The following TBX4 variants were observed in gnomAD, a reference collection of about 807,000 sequenced individuals.
TBX4 encodes T-box transcription factor 4, also known as T-box transcription factor TBX4.
TBX4 carries 13 observed loss-of-function variants against 54.6 expected under a neutral mutation model. That is an observed-to-expected ratio of 0.24 (90% CI 0.15 to 0.38). The LOEUF (loss-of-function observed/expected upper bound fraction) is 0.38, where lower values mean the gene tolerates loss of function less well. Among genes scored for constraint, TBX4 ranks in the 10% least tolerant of loss-of-function variants. The pLI is 1.00. For missense variants in TBX4, 631 were observed against 728.5 expected, an observed-to-expected ratio of 0.87 and a Z score of 1.54; for synonymous variants, 314 against 306.7, an observed-to-expected ratio of 1.02 and a Z score of -0.25.
rs777589144 is a variant in TBX4, at chr17:61,460,908, G to A, written c.281+3277G>A. ...ATTTGCGTTTGAAAAATGAACTACC[G>A]ATGAGAACTCCTGTTGAACCTGTAT... On this transcript the variant is annotated intron_variant, in intron 3 of 8. Transcript: ENST00000644296. This position sits in a 1 kb window ranked among gnomAD's most constrained non-coding sequence, Gnocchi z 4.4. 1.3e-4 allele frequency among the ~76,000 whole-genome samples: 20 copies of A among 152,168 alleles called. No homozygotes were observed. Among genetic ancestry groups the A allele is most frequent in the Non-Finnish European group, 2.5e-4 (17 of 68,030 alleles).
At chr17:61,458,192 G>A (rs2143798225) in intron 3 of TBX4, among the ~76,000 whole-genome samples, 1 of 152,016 alleles carries the variant, frequency 6.6e-6, no homozygotes. Context: ...GGCTCTCGGT[G>A]GCTGCCAGAA....
At position 61,465,836 on chromosome 17, in the gene TBX4, A is replaced by G. The variant is rs2143820920; in HGVS notation, c.299A>G (p.Tyr100Cys). The G allele has an allele frequency of 6.2e-7, 1 of 1,614,052 alleles. No homozygotes were observed. Among genetic ancestry groups the G allele is most frequent in the Non-Finnish European group, 8.5e-7 (1 of 1,179,950 alleles). ...TCCCCCAGGAGGATGTTCCCCAGCT[A>G]CAAGGTAAAAGTCACAGGCATGAAC... ...TKAGRRMFPS[Y>C]KVKVTGMNPK... Residue 100 changes from tyrosine (Y) to cysteine (C), a missense_variant, in exon 4 of 9, where the codon TAC (tyrosine) becomes TGC (cysteine). By Grantham distance (194) the Tyr-to-Cys change is radical. Transcript: ENST00000644296. The surrounding 1 kb of genome is among the most constrained non-coding windows in gnomAD (Gnocchi z 4.9).
chr17:61,471,552 T>C (rs2060578157), intron 5 of TBX4, among the ~76,000 whole-genome samples: 1 of 152,072 alleles, frequency 6.6e-6, no homozygotes, highest in South Asian at 2.1e-4. Flanking sequence ...CATTTTTTTT[T>C]TTTTTTTGCA....
chr17:61,466,208 C>G (rs1049593437), intron 4 of TBX4, among the ~76,000 whole-genome samples: 3 of 152,140 alleles, frequency 2.0e-5, no homozygotes, highest in Non-Finnish European at 4.4e-5. Flanking sequence ...CTCCTTATGG[C>G]CGTGGGTAGT....
At position 61,456,615 on chromosome 17, in the gene TBX4, C is replaced by A. The variant is rs1045129746; in HGVS notation, c.125C>A (p.Ala42Asp). 5 of 1,388,232 alleles carry A rather than the reference C, an allele frequency of 3.6e-6. No homozygotes were observed. The East Asian group carries it at 1.2e-4, about 34-fold the overall frequency. 86.0% of individuals were successfully genotyped at this position (1,388,232 alleles called of 1,614,324 possible). A position where few individuals can be genotyped will look rare whatever the true frequency, so the allele number is the denominator to read the frequency against. ...CTGGCAGCGCCGGGCCTCAGCGGAGCCGCGCTAGGCAGCCCCCCGGGACCC... is the reference window on the plus strand; with the variant it reads ...CTGGCAGCGCCGGGCCTCAGCGGAGACGCGCTAGGCAGCCCCCCGGGACCC... The part of the protein sequence containing the change: ...PALAAPGLSG[A>D]ALGSPPGPGA... The change falls in exon 2 of 9, where the codon GCC becomes GAC. Residue 42 changes from alanine to aspartate, a missense_variant. This residue lies in a region of TBX4 where 123 missense variants were observed against 120.9 expected (regional missense o/e 1.02). Transcript: ENST00000644296.
rs1415424918 is a variant in TBX4 at position 61,474,135 on chromosome 17, A to G, written c.550-4492A>G. Among the ~76,000 whole-genome samples the G allele has an allele frequency of 1.3e-5, 2 of 152,224 alleles. No individual in the cohort carries two copies. Among genetic ancestry groups the G allele is most frequent in the African/African-American group, 4.8e-5 (2 of 41,454 alleles). ...TGTAGGGCTGGGGAGGATCAGAAGG[A>G]TGATGGAGAAGGTAGTCACAGAAAA... On this transcript the variant is annotated intron_variant, in intron 5 of 8. Transcript: ENST00000644296. The surrounding 1 kb of genome is among the most constrained non-coding windows in gnomAD (Gnocchi z 4.6).
chr17:61,461,521 T>A lies in TBX4; in HGVS notation c.281+3890T>A, dbSNP rs1162982927. ...AAGGGGACCCCTGCCATTTCACTGC[T>A]GTAGGGTTCTTTTCAGACTCTGAGC... On this transcript the variant is annotated intron_variant, in intron 3 of 8. Transcript: ENST00000644296. This position sits in a 1 kb window ranked among gnomAD's most constrained non-coding sequence, Gnocchi z 5.1. Among the ~76,000 whole-genome samples the A allele has an allele frequency of 2.0e-5, 3 of 152,172 alleles. No individual in the cohort carries two copies. Among genetic ancestry groups the A allele is most frequent in the Non-Finnish European group, 4.4e-5 (3 of 68,024 alleles).
chr17:61,467,993 G>A (rs541219190), intron 5 of TBX4, among the ~76,000 whole-genome samples: 2 of 152,334 alleles, frequency 1.3e-5, no homozygotes, highest in South Asian at 2.1e-4. Flanking sequence ...CGTAGGAGGG[G>A]CTAAATAAAT....
intron 1 of TBX4, among the ~76,000 whole-genome samples, chr17:61,455,142 C>T (rs1485283632): frequency 6.6e-6 from 1 of 152,216 alleles, no homozygotes; most frequent in Non-Finnish European, 1.5e-5. Flanking sequence ...GGGTTTTTCC[C>T]AACCCAGACT....
chr17:61,466,061 A>G lies in TBX4; in HGVS notation c.401+123A>G, dbSNP rs2060535435. 7 of 1,486,664 alleles carry G rather than the reference A, an allele frequency of 4.7e-6. No homozygotes were observed. In the Admixed American group the frequency reaches 1.2e-4, roughly 26 times the overall value. The allele number at this position is 1,486,664 out of a possible 1,614,324, so 92.1% of individuals were successfully genotyped here. On this transcript the variant is annotated intron_variant, in intron 4 of 8. Transcript: ENST00000644296. The stretch of plus-strand genomic sequence containing the variant: ...GTGACTGCCCAGGTCTGCAGGCTGG[A>G]GTCCACTGCCTGGAACTGGCTGTGC...
rs1603256387 is a variant in TBX4 at position 61,483,570 on chromosome 17, G to A, written c.*54G>A. 2 of 1,611,134 alleles carry A rather than the reference G, an allele frequency of 1.2e-6. No individual in the cohort carries two copies. The highest frequency in any genetic ancestry group is 2.2e-5 in the East Asian group (1 of 44,858). On this transcript the variant is annotated 3_prime_UTR_variant, in exon 9 of 9. Transcript: ENST00000644296. This position sits in a 1 kb window ranked among gnomAD's most constrained non-coding sequence, Gnocchi z 6.6. ...CCGTGTTGCTCCAGTATTAACCTCT[G>A]TGGGTGGCCTGCACTCTACCAAGAA... is the stretch of plus-strand genomic sequence containing the variant.
In TBX4 at chr17:61,465,809, G is replaced by C. The variant is rs1451127791; in HGVS notation, c.282-10G>C. ...TCCACACGCTCCGCCTCACCCCTCG[G>C]CTCCCCCAGGAGGATGTTCCCCAGC... On this transcript the variant is annotated splice_polypyrimidine_tract_variant and intron_variant, in intron 3 of 8. Transcript: ENST00000644296. This position sits in a 1 kb window ranked among gnomAD's most constrained non-coding sequence, Gnocchi z 4.9. The C allele has an allele frequency of 1.2e-6, 2 of 1,613,658 alleles. No individual in the cohort carries two copies. The highest frequency in any genetic ancestry group is 2.7e-5 in the African/African-American group (2 of 74,868).
chr17:61,459,957 T>G lies in TBX4; in HGVS notation c.281+2326T>G, dbSNP rs1160537627. ...CTCAGGCTGTGGTTCTTCAACATCC[T>G]GTCCAGTGCCTCTCCCTGCTCCCCA... On this transcript the variant is annotated intron_variant, in intron 3 of 8. Transcript: ENST00000644296. This position sits in a 1 kb window ranked among gnomAD's most constrained non-coding sequence, Gnocchi z 4.8. Among the ~76,000 whole-genome samples the G allele has an allele frequency of 6.6e-6, 1 of 151,724 alleles. No homozygotes were observed.
rs997581372 is a variant in TBX4 at position 61,478,669 on chromosome 17, A to C, written c.592A>C (p.Ile198Leu). ...GCACAAGTACCAGCCGCGGCTCCAC[A>C]TCGTTAAGGCTGATGAGAACAATGC... ...SMHKYQPRLH[I>L]VKADENNAFG... The change falls in exon 6 of 9, where the codon ATC (isoleucine) becomes CTC (leucine). Residue 198 changes from isoleucine (I) to leucine (L), a missense_variant. Coordinates refer to ENST00000644296, the MANE Select transcript of TBX4 (RefSeq NM_001321120.2). The surrounding 1 kb of genome is among the most constrained non-coding windows in gnomAD (Gnocchi z 7.4). 2 of 1,614,056 alleles carry C rather than the reference A, an allele frequency of 1.2e-6. No individual in the cohort carries two copies. The highest frequency in any genetic ancestry group is 2.7e-5 in the African/African-American group (2 of 74,900).
In TBX4 at chr17:61,476,950, C is replaced by T. The variant is rs1198027483; in HGVS notation, c.550-1677C>T. 6.6e-6 allele frequency among the ~76,000 whole-genome samples: 1 copy of T among 152,256 alleles called. No individual in the cohort carries two copies. The highest frequency in any genetic ancestry group is 1.5e-5 in the Non-Finnish European group (1 of 68,054). On this transcript the variant is annotated intron_variant, in intron 5 of 8. Transcript: ENST00000644296. The surrounding 1 kb of genome is among the most constrained non-coding windows in gnomAD (Gnocchi z 6.5). ...AGAGCAGAGTCTTCCCAGACTAAGA[C>T]TTTGGCCAAGGTTTGCCATAAAAGA...
chr17:61,479,856 G>T lies in TBX4; in HGVS notation c.703-25G>T. ...ACACATTTGTGTGCCTCACACTGGT[G>T]ACCCTATGTGTTTTCTCCCCACAGA... On this transcript the variant is annotated intron_variant, in intron 6 of 8. Transcript: ENST00000644296. The surrounding 1 kb of genome is among the most constrained non-coding windows in gnomAD (Gnocchi z 6.1). 3 of 1,609,906 alleles carry T rather than the reference G, an allele frequency of 1.9e-6. No homozygotes were observed. Among genetic ancestry groups the T allele is most frequent in the Non-Finnish European group, 2.6e-6 (3 of 1,176,148 alleles).
Position 61,478,724 on chromosome 17 carries a change from C to G in TBX4, c.647C>G (p.Thr216Ser). The stretch of plus-strand genomic sequence containing the variant: ...GGCTCCAAAAACACTGCTTTCTGCA[C>G]CCACGTGTTCCCAGAGACCTCCTTC... ...AFGSKNTAFC[T>S]HVFPETSFIS... The change falls in exon 6 of 9, where the codon ACC (threonine) becomes AGC (serine). Residue 216 changes from threonine (T) to serine (S), a missense_variant. This residue lies in a region of TBX4 where 154 missense variants were observed against 238.6 expected (regional missense o/e 0.65). Coordinates refer to ENST00000644296, the MANE Select transcript of TBX4 (RefSeq NM_001321120.2). The surrounding 1 kb of genome is among the most constrained non-coding windows in gnomAD (Gnocchi z 7.4). 1.9e-6 allele frequency: 3 copies of G among 1,614,206 alleles called. No individual in the cohort carries two copies. The South Asian group carries it at 3.3e-5, about 18-fold the overall frequency.
In TBX4 at chr17:61,483,615, T is replaced by TGTG; in HGVS notation, c.*100_*102dup. On this transcript the variant is annotated 3_prime_UTR_variant, in exon 9 of 9. Transcript: ENST00000644296. This position sits in a 1 kb window ranked among gnomAD's most constrained non-coding sequence, Gnocchi z 6.6. The stretch of plus-strand genomic sequence containing the variant: ...CAAGAAACACAGGAAGGTATTCCAG[T>TGTG]GTGTGTGTGTGTGTGTGTGTGTGTG... 1 of 555,636 alleles carries TGTG rather than the reference T, an allele frequency of 1.8e-6. No homozygotes were observed. Among genetic ancestry groups the TGTG allele is most frequent in the Non-Finnish European group, 3.0e-6 (1 of 336,382 alleles). 34.4% of individuals were successfully genotyped at this position (555,636 alleles called of 1,614,324 possible). A position where few individuals can be genotyped will look rare whatever the true frequency, so the allele number is the denominator to read the frequency against.
In TBX4 at chr17:61,483,447, C is replaced by T; in HGVS notation, c.1572C>T (p.Ser524=). 6.2e-7 allele frequency: 1 copy of T among 1,614,218 alleles called. No homozygotes were observed. Among genetic ancestry groups the T allele is most frequent in the Non-Finnish European group, 8.5e-7 (1 of 1,180,038 alleles). ...ANEFLYSQTF[S]LSRESSLQYH... Reference sequence around the variant, plus strand: ...AGTTTCTCTACTCTCAAACCTTCTCCTTGTCCCGAGAATCTTCCTTACAGT... The same window carrying T: ...AGTTTCTCTACTCTCAAACCTTCTCTTTGTCCCGAGAATCTTCCTTACAGT... Residue 524 remains serine (S), a synonymous_variant, in exon 9 of 9, where the codon TCC becomes TCT. Transcript: ENST00000644296. The surrounding 1 kb of genome is among the most constrained non-coding windows in gnomAD (Gnocchi z 6.6).
Sources: allele counts gnomAD v4.1 joint callset (sites outside exome capture counted in the v4.1 genomes callset), GRCh38; gene constraint gnomAD v4.1.1; regional missense constraint gnomAD v4.1.1; non-coding constraint Gnocchi (gnomAD v3.1); transcripts MANE v1.5; gene names NCBI Gene and HGNC (gene_info 2026-07-23, HGNC 2026-07-21).